SLC25A37: variants seen among roughly 807,000 people sequenced by gnomAD.
SLC25A37 encodes mitoferrin-1.
SLC25A37 carries 17 observed loss-of-function variants against 31.0 expected under a neutral mutation model. The observed-to-expected ratio is 0.55, with a 90% CI of 0.38 to 0.82. The LOEUF (loss-of-function observed/expected upper bound fraction) is 0.82, where lower values mean the gene tolerates loss of function less well. SLC25A37 is among the 40% of genes least tolerant of loss of function. The pLI, the probability that SLC25A37 is intolerant of heterozygous loss-of-function variation, is 0.00. For synonymous variants in SLC25A37, 222 were observed against 193.0 expected (o/e 1.15, Z -1.24); for missense variants, 404 against 465.8 (o/e 0.87, Z 1.22).
intron 1 of SLC25A37, among the ~76,000 whole-genome samples, chr8:23,560,560 A>G (rs1238763982): frequency 6.6e-6 from 1 of 152,194 alleles, no homozygotes; most frequent in Non-Finnish European, 1.5e-5. Context: ...GGAAGAAATG[A>G]TGGTGCTGCA....
intron 1 of SLC25A37, among the ~76,000 whole-genome samples, chr8:23,547,088 C>G (rs1161519581): frequency 6.6e-6 from 1 of 152,154 alleles, no homozygotes; most frequent in Non-Finnish European, 1.5e-5. Flanking sequence ...TCTGATAAAT[C>G]AATCATAAGG....
intron 1 of SLC25A37, among the ~76,000 whole-genome samples, chr8:23,546,467 C>A (rs1379347464): frequency 1.4e-5 from 2 of 147,636 alleles, no homozygotes; most frequent in African/African-American, 5.0e-5. Context: ...CTTGGCTTCT[C>A]AGGCAATAAC....
At chr8:23,568,247 G>C in intron 2 of SLC25A37, 75 bp from the exon 3 acceptor site, 1 of 1,537,114 alleles carries the variant, frequency 6.5e-7, no homozygotes, top group Non-Finnish European at 9.0e-7. Context: ...CCTGGGTTCC[G>C]TCTGATTTTA....
At chr8:23,539,039 G>T (rs1801835216) in intron 1 of SLC25A37, among the ~76,000 whole-genome samples, 1 of 152,192 alleles carries the variant, frequency 6.6e-6, no homozygotes, top group Admixed American at 6.5e-5. Context: ...CTCACAGAAG[G>T]TGCTCTTGAA....
chr8:23,559,676 T>C (rs1802463690), intron 1 of SLC25A37, among the ~76,000 whole-genome samples: 1 of 152,158 alleles, frequency 6.6e-6, no homozygotes, highest in Non-Finnish European at 1.5e-5. Flanking sequence ...CCCCAGCCCC[T>C]GGCTACCCCC....
chr8:23,532,802 C>T (rs944789759), intron 1 of SLC25A37, among the ~76,000 whole-genome samples: 31 of 152,208 alleles, frequency 2.0e-4, no homozygotes, highest in African/African-American at 7.0e-4. Flanking sequence ...CAACTTCTGA[C>T]TTCTCCTCTT....
chr8:23,541,980 CGT>C (rs1801905491), intron 1 of SLC25A37: 1 of 152,246 alleles, frequency 6.6e-6, no homozygotes, highest in Non-Finnish European at 1.5e-5. Flanking sequence ...CGTTGGCTTG[CGT>C]TAGCCTGATT....
chr8:23,555,906 A>G (rs1161030058), intron 1 of SLC25A37, among the ~76,000 whole-genome samples: 2 of 152,254 alleles, frequency 1.3e-5, no homozygotes, highest in Non-Finnish European at 2.9e-5. Flanking sequence ...AGGGAAAGCC[A>G]CGTAGACCTG....
At chr8:23,557,809 G>C (rs182289340) in intron 1 of SLC25A37, among the ~76,000 whole-genome samples, 5 of 152,344 alleles carry the variant, frequency 3.3e-5, no homozygotes, top group Admixed American at 3.3e-4. Flanking sequence ...TGACAGACAA[G>C]AGAAAACACT....
At chr8:23,552,956 C>T (rs535957185) in intron 1 of SLC25A37, among the ~76,000 whole-genome samples, 1 of 152,200 alleles carries the variant, frequency 6.6e-6, no homozygotes, top group East Asian at 1.9e-4. Flanking sequence ...TGGAGCGGGG[C>T]GGGAGCCTTG....
chr8:23,549,417 C>G (rs971315973), intron 1 of SLC25A37, among the ~76,000 whole-genome samples: 3 of 152,178 alleles, frequency 2.0e-5, no homozygotes, highest in Admixed American at 2.0e-4. Flanking sequence ...CTGCTATTAC[C>G]TTTTGCATCC....
intron 1 of SLC25A37, among the ~76,000 whole-genome samples, chr8:23,557,701 G>C (rs1460806189): frequency 1.3e-5 from 2 of 152,208 alleles, no homozygotes; most frequent in African/African-American, 4.8e-5. Flanking sequence ...TGGCCAGGGG[G>C]CTGCAGGGTG....
rs1246396343 is a variant in SLC25A37, at chr8:23,546,527, A to AC, written c.210+17315_210+17316insC. On this transcript the variant is annotated intron_variant, in intron 1 of 3. Transcript: ENST00000519973. The stretch of plus-strand genomic sequence containing the variant: ...TATATATATAGGTATATATATATAT[A>AC]GGTGTATATATATATATATATATAT... 2.6e-4 allele frequency among the ~76,000 whole-genome samples: 10 copies of AC among 38,900 alleles called. No individual in the cohort carries two copies. The Admixed American group carries it at 3.6e-3, about 14-fold the overall frequency. 25.5% of individuals were successfully genotyped at this position (38,900 alleles called of 152,430 possible).
At chr8:23,562,661 G>A (rs752128456) in intron 1 of SLC25A37, among the ~76,000 whole-genome samples, 1 of 152,128 alleles carries the variant, frequency 6.6e-6, no homozygotes, top group Non-Finnish European at 1.5e-5. Flanking sequence ...GTAGCCCCTC[G>A]ACAGGGGACT....
intron 1 of SLC25A37, among the ~76,000 whole-genome samples, chr8:23,542,238 C>T (rs957742701): frequency 6.6e-6 from 1 of 152,176 alleles, no homozygotes; most frequent in African/African-American, 2.4e-5. Context: ...TGGTGTAAAC[C>T]TACTATGCTG....
At chr8:23,539,820 C>T (rs955962083) in intron 1 of SLC25A37, among the ~76,000 whole-genome samples, 1 of 152,348 alleles carries the variant, frequency 6.6e-6, no homozygotes, top group Admixed American at 6.5e-5. Context: ...AGGTTAACAG[C>T]ACAACCTCTG....
intron 1 of SLC25A37, among the ~76,000 whole-genome samples, chr8:23,540,387 G>T (rs1177391910): frequency 6.6e-6 from 1 of 152,166 alleles, no homozygotes; most frequent in South Asian, 2.1e-4. Context: ...ATGGGGCCCA[G>T]CTGCATTGTT....
chr8:23,541,522 C>T (rs1467936609), intron 1 of SLC25A37: 1 of 152,296 alleles, frequency 6.6e-6, no homozygotes, highest in Non-Finnish European at 1.5e-5. Context: ...GTCTCAGGGT[C>T]CCCACGGTGC....
chr8:23,548,433 C>G (rs1336638698), intron 1 of SLC25A37, among the ~76,000 whole-genome samples: 1 of 150,880 alleles, frequency 6.6e-6, no homozygotes, highest in South Asian at 2.1e-4. Context: ...CCGCCTTGGC[C>G]TCCCAAAGTG....
Sources: allele counts gnomAD v4.1 joint callset (sites outside exome capture counted in the v4.1 genomes callset), GRCh38; gene constraint gnomAD v4.1.1; transcripts MANE v1.5; gene names NCBI Gene and HGNC (gene_info 2026-07-23, HGNC 2026-07-21).